Variants in KHDRBS3 observed in about 807,000 individuals in gnomAD.
KHDRBS3 encodes KH RNA binding domain containing, signal transduction associated 3, also known as KH domain-containing, RNA-binding, signal transduction-associated protein 3.
A neutral mutation model predicts 45.6 loss-of-function variants in KHDRBS3; 23 were observed. That is an observed-to-expected ratio of 0.50 (90% CI 0.36 to 0.72). KHDRBS3 has a LOEUF of 0.72. Among genes scored for constraint, KHDRBS3 ranks in the 30% least tolerant of loss-of-function variants. The pLI is 0.00. For missense variants in KHDRBS3, 352 were observed against 424.8 expected (o/e 0.83, Z 1.51); for synonymous variants, 162 against 156.5 (o/e 1.04, Z -0.26).
intron 7 of KHDRBS3, among the ~76,000 whole-genome samples, chr8:135,608,844 C>T (rs1166187085): frequency 6.6e-6 from 1 of 152,176 alleles, no homozygotes; most frequent in Non-Finnish European, 1.5e-5. Flanking sequence ...ATACTGAATA[C>T]TGCAGGCAGT....
At chr8:135,649,988 A>G (rs920512344), downstream of KHDRBS3, among the ~76,000 whole-genome samples, 2 of 152,038 alleles carry the variant, frequency 1.3e-5, no homozygotes, top group African/African-American at 2.4e-5. Flanking sequence ...TTCTATTTCC[A>G]TGGGAAGACC....
intron 1 of KHDRBS3, among the ~76,000 whole-genome samples, chr8:135,489,131 T>C (rs373430395): frequency 5.3e-5 from 8 of 152,180 alleles, no homozygotes; most frequent in African/African-American, 1.9e-4. Context: ...TAGTAATATA[T>C]TTAGAGAATT....
chr8:135,599,196 C>T (rs539036816), intron 6 of KHDRBS3, among the ~76,000 whole-genome samples: 137 of 152,312 alleles, frequency 9.0e-4, no homozygotes, highest in African/African-American at 3.1e-3. Context: ...GCCTGGCATC[C>T]GCCAAGCAGA....
intron 7 of KHDRBS3, among the ~76,000 whole-genome samples, chr8:135,626,783 G>A (rs1830386451): frequency 1.3e-5 from 1 of 77,924 alleles, no homozygotes; most frequent in Non-Finnish European, 2.0e-5. Context: ...CAACCTGGGA[G>A]ACACAGCGAG....
At chr8:135,490,071 C>G (rs2130407029) in intron 1 of KHDRBS3, among the ~76,000 whole-genome samples, 1 of 152,254 alleles carries the variant, frequency 6.6e-6, no homozygotes, top group South Asian at 2.1e-4. Flanking sequence ...ACATGCCATA[C>G]AGGTTTGTAG....
intron 1 of KHDRBS3, among the ~76,000 whole-genome samples, chr8:135,516,032 A>T (rs1192379185): frequency 2.5e-4 from 38 of 152,268 alleles, no homozygotes; most frequent in Non-Finnish European, 1.5e-5. Flanking sequence ...CTTGCTGTAC[A>T]CATAGGCTAG....
intron 1 of KHDRBS3, among the ~76,000 whole-genome samples, chr8:135,491,702 G>C (rs1823159825): frequency 1.3e-5 from 2 of 152,116 alleles, no homozygotes; most frequent in South Asian, 4.1e-4. Flanking sequence ...AGGAAGCCCT[G>C]GAGGTTCCTG....
chr8:135,513,572 TTA>T (rs1458978595), intron 1 of KHDRBS3, among the ~76,000 whole-genome samples: 1 of 152,154 alleles, frequency 6.6e-6, no homozygotes, highest in Non-Finnish European at 1.5e-5. Context: ...CTCTGAGGTT[TTA>T]TGTTTTTGTT....
chr8:135,546,326 A>T (rs2130788025), intron 3 of KHDRBS3, among the ~76,000 whole-genome samples: 1 of 152,238 alleles, frequency 6.6e-6, no homozygotes, highest in South Asian at 2.1e-4. Flanking sequence ...TATTATTTTA[A>T]TCTCATCCAT....
At chr8:135,465,163 A>C (rs905781177) in intron 1 of KHDRBS3, among the ~76,000 whole-genome samples, 2 of 152,168 alleles carry the variant, frequency 1.3e-5, no homozygotes, top group Admixed American at 6.5e-5. Flanking sequence ...GAGCCATGTG[A>C]TTACAGGTGA....
chr8:135,538,125 C>A (rs933873765), intron 2 of KHDRBS3, among the ~76,000 whole-genome samples: 3 of 151,990 alleles, frequency 2.0e-5, no homozygotes, highest in Non-Finnish European at 4.4e-5. Context: ...TGGGGCAGTG[C>A]GATGAATGGG....
At chr8:135,549,036 C>A in intron 4 of KHDRBS3, 136 bp downstream of exon 4, 1 of 471,866 alleles carries the variant, frequency 2.1e-6, no homozygotes, top group Non-Finnish European at 3.6e-6. Context: ...CTCAAGTAGA[C>A]CTTACATTGT....
intron 2 of KHDRBS3, among the ~76,000 whole-genome samples, chr8:135,525,906 T>C (rs191425320): frequency 1.6e-4 from 24 of 152,320 alleles, no homozygotes; most frequent in African/African-American, 5.5e-4. Flanking sequence ...AGTGCAGTCA[T>C]GTGCTGCATA....
intron 2 of KHDRBS3, among the ~76,000 whole-genome samples, chr8:135,533,095 A>G (rs757412687): frequency 2.0e-5 from 3 of 152,038 alleles, no homozygotes; most frequent in Non-Finnish European, 4.4e-5. Flanking sequence ...AACACCATTT[A>G]TTAATTCATT....
At chr8:135,628,051 T>C (rs1472581195) in intron 7 of KHDRBS3, among the ~76,000 whole-genome samples, 4 of 152,206 alleles carry the variant, frequency 2.6e-5, no homozygotes, top group Non-Finnish European at 4.4e-5. Flanking sequence ...GAATGAATGC[T>C]GTTGTTCTGC....
chr8:135,507,223 G>T (rs572906773), intron 1 of KHDRBS3, among the ~76,000 whole-genome samples: 67 of 152,314 alleles, frequency 4.4e-4, no homozygotes, highest in Admixed American at 1.6e-3. Context: ...AGCTAGTCAT[G>T]TGTAATAAAG....
chr8:135,581,431 G>A (rs771139660), intron 5 of KHDRBS3, among the ~76,000 whole-genome samples: 1 of 152,090 alleles, frequency 6.6e-6, no homozygotes, highest in Non-Finnish European at 1.5e-5. Context: ...TGGAATTTTG[G>A]CATATATTTT....
intron 1 of KHDRBS3, among the ~76,000 whole-genome samples, chr8:135,470,233 T>C (rs904631326): frequency 6.6e-6 from 1 of 152,194 alleles, no homozygotes; most frequent in African/African-American, 2.4e-5. Context: ...CCGAGCAGGC[T>C]TCTTTCCTCC....
At chr8:135,629,042 C>T (rs1830486938) in intron 7 of KHDRBS3, among the ~76,000 whole-genome samples, 1 of 152,144 alleles carries the variant, frequency 6.6e-6, no homozygotes, top group Non-Finnish European at 1.5e-5. Context: ...CGATTTCTTC[C>T]CTTTGATTCA....
Sources: gnomAD v4.1 joint callset for allele counts (sites outside exome capture counted in the v4.1 genomes callset) on GRCh38, gnomAD v4.1.1 for gene constraint, MANE v1.5 for transcripts, NCBI Gene and HGNC (gene_info 2026-07-23, HGNC 2026-07-21) for gene names.